The following CORO1C variants were observed in gnomAD, a reference collection of about 807,000 sequenced individuals.
The protein encoded by CORO1C is coronin 1C.
Under a neutral mutation model 51.2 loss-of-function variants are expected in CORO1C, and 14 were observed. The ratio of observed to expected loss-of-function variants is 0.27; its 90% CI spans 0.18 to 0.43. The LOEUF (loss-of-function observed/expected upper bound fraction) is 0.43. Among genes scored for constraint, CORO1C ranks in the 20% least tolerant of loss-of-function variants. The pLI is 1.00. For missense variants in CORO1C, 417 were observed against 607.8 expected (o/e 0.69, Z 3.30); for synonymous variants, 181 against 210.5 (o/e 0.86, Z 1.21).
chr12:108,658,918 G>A lies in CORO1C; in HGVS notation c.450C>T (p.Gly150=), dbSNP rs2033139844. Residue 150 remains glycine, a splice_region_variant and synonymous_variant, in exon 5 of 11, where the codon GGC becomes GGT. Transcript: ENST00000261401. This position sits in a 1 kb window ranked among gnomAD's most constrained non-coding sequence, Gnocchi z 4.9. ...TCCAGATGATAATGGCATTATCACA[G>A]CCTAAAACAGGCAAAACCATCAGAG... ...PTARNVLLSA[G]CDNAIIIWNV... 1.2e-6 allele frequency: 2 copies of A among 1,601,084 alleles called. No homozygotes were observed. The highest frequency in any genetic ancestry group is 1.7e-6 in the Non-Finnish European group (2 of 1,168,894).
chr12:108,661,508 C>A (rs1270061671), intron 4 of CORO1C, among the ~76,000 whole-genome samples: 2 of 152,184 alleles, frequency 1.3e-5, no homozygotes, highest in African/African-American at 2.4e-5. Context: ...ATGATCTTCT[C>A]TCTGAGTGGT....
intron 6 of CORO1C, among the ~76,000 whole-genome samples, chr12:108,655,421 T>TC (rs915604218): frequency 7.8e-6 from 1 of 127,964 alleles, no homozygotes; most frequent in African/African-American, 2.9e-5. Context: ...TTCCACGCTC[T>TC]CCCTCTGATG....
chr12:108,701,079 G>C (rs763896814), intron 2 of CORO1C, 45 bp downstream of exon 2: 3 of 1,585,020 alleles, frequency 1.9e-6, no homozygotes, highest in Admixed American at 1.7e-5. Context: ...AAAGTATGGA[G>C]ACTATCAGAG....
At chr12:108,666,209 G>A (rs2033469783) in intron 3 of CORO1C, among the ~76,000 whole-genome samples, 1 of 152,076 alleles carries the variant, frequency 6.6e-6, no homozygotes. Flanking sequence ...TTTCTAAAAA[G>A]TGCATGCAGC....
intron 2 of CORO1C, among the ~76,000 whole-genome samples, chr12:108,693,289 T>A (rs767246036): frequency 6.6e-6 from 1 of 152,202 alleles, no homozygotes; most frequent in African/African-American, 2.4e-5. Flanking sequence ...AACAGAGGAA[T>A]GATCCCACCC....
At chr12:108,685,598 A>G (rs1592901318) in intron 2 of CORO1C, among the ~76,000 whole-genome samples, 2 of 151,932 alleles carry the variant, frequency 1.3e-5, no homozygotes, top group Non-Finnish European at 2.9e-5. Flanking sequence ...GAAAATTTCC[A>G]CTATGCCATG....
intron 3 of CORO1C, among the ~76,000 whole-genome samples, chr12:108,662,449 C>A (rs2033311342): frequency 6.6e-6 from 1 of 152,104 alleles, no homozygotes; most frequent in South Asian, 2.1e-4. Context: ...TGAAGCAATT[C>A]TCCTGCCTCA....
chr12:108,687,709 T>C (rs1305067708), intron 2 of CORO1C, among the ~76,000 whole-genome samples: 1 of 150,516 alleles, frequency 6.6e-6, no homozygotes, highest in Non-Finnish European at 1.5e-5. Context: ...CGCTTGAACC[T>C]GGGAGGCAGA....
chr12:108,671,549 A>T (rs2033721188), intron 3 of CORO1C, among the ~76,000 whole-genome samples: 1 of 152,094 alleles, frequency 6.6e-6, no homozygotes, highest in Non-Finnish European at 1.5e-5. Context: ...TGGTATCTAG[A>T]GATACCAACT....
In CORO1C at chr12:108,656,456, A is replaced by G. The variant is rs536988168; in HGVS notation, c.750+848T>C. ...GGGGGTCAGCCTCCACCCGGCCACC[A>G]CCCCATCCGGGAGGTGGGGGGCGCC... On this transcript the variant is annotated intron_variant, in intron 6 of 10. Coordinates refer to ENST00000261401, the MANE Select transcript of CORO1C (RefSeq NM_014325.4). 1.8e-4 allele frequency among the ~76,000 whole-genome samples: 25 copies of G among 141,116 alleles called. No individual in the cohort carries two copies. The South Asian group carries it at 5.9e-3, about 33-fold the overall frequency. The allele number at this position is 141,116 out of a possible 152,430, so 92.6% of individuals were successfully genotyped here.
intron 7 of CORO1C, 33 bp downstream of exon 7, chr12:108,654,273 G>A: frequency 1.5e-6 from 2 of 1,327,286 alleles, no homozygotes; most frequent in Non-Finnish European, 2.2e-6. Flanking sequence ...CCACTTACAG[G>A]ATTTAACACC....
chr12:108,652,882 T>C (rs1013211026), intron 7 of CORO1C, among the ~76,000 whole-genome samples: 10 of 45,504 alleles, frequency 2.2e-4, no homozygotes, highest in Non-Finnish European at 3.2e-4. Context: ...ATTTTTCTAA[T>C]GAAGAAACTC....
intron 1 of CORO1C, among the ~76,000 whole-genome samples, chr12:108,716,718 C>G (rs1446002266): frequency 6.6e-6 from 1 of 152,200 alleles, no homozygotes; most frequent in Non-Finnish European, 1.5e-5. Flanking sequence ...CTATCAGAGT[C>G]TACAGGAAAT....
rs1044676702 is a variant in CORO1C at position 108,652,363 on chromosome 12, A to G, written c.910T>C (p.Tyr304His). 1 of 1,613,636 alleles carries G rather than the reference A, an allele frequency of 6.2e-7. No homozygotes were observed. The highest frequency in any genetic ancestry group is 8.5e-7 in the Non-Finnish European group (1 of 1,179,646). ...TCCTTGCTGCTGAATGTGTTGAGGT[A>G]GTGGACGTACGGGGATTCATCCGTG... Reference protein sequence around the residue: ...EITDESPYVHYLNTFSSKEPQ... With the variant: ...EITDESPYVHHLNTFSSKEPQ... Residue 304 changes from tyrosine to histidine, a missense_variant, in exon 8 of 11, where the codon TAC (tyrosine) becomes CAC (histidine). Coordinates refer to ENST00000261401, the MANE Select transcript of CORO1C (RefSeq NM_014325.4).
Position 108,725,828 on chromosome 12 carries a change from T to G in CORO1C, c.-6+5601A>C, listed in dbSNP as rs913627851. On this transcript the variant is annotated intron_variant, in intron 1 of 10. Transcript: ENST00000261401. Reference sequence around the variant, plus strand: ...TTATTTATTTATTTATTTATTTTTTTGAGACGGATTCTTTCTCTGCCGCCC... The same window carrying G: ...TTATTTATTTATTTATTTATTTTTTGGAGACGGATTCTTTCTCTGCCGCCC... Among the ~76,000 whole-genome samples the G allele has an allele frequency of 2.6e-5, 4 of 152,258 alleles. No homozygotes were observed. In the East Asian group the frequency reaches 7.7e-4, roughly 29 times the overall value.
chr12:108,729,227 T>A lies in CORO1C; in HGVS notation c.-6+2202A>T, dbSNP rs533850902. On this transcript the variant is annotated intron_variant, in intron 1 of 10. Coordinates refer to ENST00000261401, the MANE Select transcript of CORO1C (RefSeq NM_014325.4). Reference sequence around the variant, plus strand: ...GACAGATAAGTTAAACATAAAACTTTTATCAAAAAATCCAACGGTGTTTAA... The same window carrying A: ...GACAGATAAGTTAAACATAAAACTTATATCAAAAAATCCAACGGTGTTTAA... Among the ~76,000 whole-genome samples, 3 of 152,258 alleles carry A rather than the reference T, an allele frequency of 2.0e-5. No individual in the cohort carries two copies. In the East Asian group the frequency reaches 5.8e-4, roughly 29 times the overall value.
At chr12:108,704,499 T>C (rs1014342709) in intron 1 of CORO1C, among the ~76,000 whole-genome samples, 8 of 152,156 alleles carry the variant, frequency 5.3e-5, no homozygotes, top group Non-Finnish European at 1.0e-4. Flanking sequence ...ATTTCCATAT[T>C]ATGCATACTT....
chr12:108,672,515 C>T (rs1452946579), intron 3 of CORO1C, among the ~76,000 whole-genome samples: 2 of 152,098 alleles, frequency 1.3e-5, no homozygotes, highest in Non-Finnish European at 2.9e-5. Flanking sequence ...TGTTCTAATT[C>T]TTCTTCTGTA....
chr12:108,686,607 T>C (rs1015882049), intron 2 of CORO1C, among the ~76,000 whole-genome samples: 4 of 152,232 alleles, frequency 2.6e-5, no homozygotes, highest in Non-Finnish European at 5.9e-5. Flanking sequence ...TTTTGATTCA[T>C]TGATTACTTA....
Sources: gnomAD v4.1 joint callset for allele counts (sites outside exome capture counted in the v4.1 genomes callset) on GRCh38, gnomAD v4.1.1 for gene constraint, Gnocchi (gnomAD v3.1) non-coding constraint, MANE v1.5 for transcripts, NCBI Gene and HGNC (gene_info 2026-07-23, HGNC 2026-07-21) for gene names.